MYT1L: variants seen among roughly 807,000 people sequenced by gnomAD.
MYT1L encodes the protein myelin transcription factor 1 like.
A neutral mutation model predicts 126.7 loss-of-function variants in MYT1L; 12 were observed. The ratio of observed to expected loss-of-function variants is 0.09; its 90% CI spans 0.06 to 0.15. The LOEUF (loss-of-function observed/expected upper bound fraction) is 0.15, where lower values mean the gene tolerates loss of function less well. Among genes scored for constraint, MYT1L ranks in the 10% least tolerant of loss-of-function variants. The pLI, the probability that MYT1L is intolerant of heterozygous loss-of-function variation, is 1.00. For synonymous variants in MYT1L, 541 were observed against 604.2 expected, an observed-to-expected ratio of 0.90 and a Z score of 1.53; for missense variants, 979 against 1,585.2, an observed-to-expected ratio of 0.62 and a Z score of 6.49.
rs1481262724 is a variant in MYT1L, at chr2:1,979,079, C to G, written c.152+86G>C. 2 of 1,069,804 alleles carry G rather than the reference C, an allele frequency of 1.9e-6. No homozygotes were observed. The highest frequency in any genetic ancestry group is 2.8e-6 in the Non-Finnish European group (2 of 712,274). 66.3% of individuals were successfully genotyped at this position (1,069,804 alleles called of 1,614,324 possible). Reference sequence around the variant, plus strand: ...AATGTGTATTGCTTTCCAAGAACACCTGCTCACACAGTTCATCATCAGGAC... The same window carrying G: ...AATGTGTATTGCTTTCCAAGAACACGTGCTCACACAGTTCATCATCAGGAC... On this transcript the variant is annotated intron_variant, in intron 8 of 24. Coordinates refer to ENST00000647738, the MANE Select transcript of MYT1L (RefSeq NM_001303052.2). The surrounding 1 kb of genome is among the most constrained non-coding windows in gnomAD (Gnocchi z 4.0).
intron 3 of MYT1L, among the ~76,000 whole-genome samples, chr2:2,106,123 G>T (rs889774277): frequency 1.3e-5 from 2 of 152,212 alleles, no homozygotes; most frequent in African/African-American, 4.8e-5. Flanking sequence ...AGGGAATGTG[G>T]CTCACCCGGG....
intron 1 of MYT1L, among the ~76,000 whole-genome samples, chr2:2,308,310 C>G (rs998599509): frequency 1.3e-5 from 2 of 151,974 alleles, no homozygotes; most frequent in African/African-American, 4.8e-5. Context: ...TCAGTACGTT[C>G]TACCCATACT....
In MYT1L at chr2:1,811,999, T is replaced by C. The variant is rs2036737829; in HGVS notation, c.3081-2832A>G. 6.6e-6 allele frequency among the ~76,000 whole-genome samples: 1 copy of C among 152,250 alleles called. No homozygotes were observed. The highest frequency in any genetic ancestry group is 1.5e-5 in the Non-Finnish European group (1 of 68,040). ...TAAAATAAGAAGTTCTCAAAAGATC[T>C]GTTAAGGCTCTCCTAAAATAGGATG... On this transcript the variant is annotated intron_variant, in intron 21 of 24. Coordinates refer to ENST00000647738, the MANE Select transcript of MYT1L (RefSeq NM_001303052.2). This position sits in a 1 kb window ranked among gnomAD's most constrained non-coding sequence, Gnocchi z 4.4.
chr2:2,166,802 A>AT (rs2089205602), intron 3 of MYT1L, among the ~76,000 whole-genome samples: 1 of 152,194 alleles, frequency 6.6e-6, no homozygotes, highest in South Asian at 2.1e-4. Context: ...ACATAAAAAC[A>AT]TTTTTTTAGT....
Position 2,331,170 on chromosome 2 carries a change from A to G in MYT1L, c.-724T>C, listed in dbSNP as rs1402300831. On this transcript the variant is annotated 5_prime_UTR_variant, in exon 1 of 25. Transcript: ENST00000647738. ...GATATCATAACCCATAGTCCAGGGA[A>G]TGAAAAAATTAAAATGCACCCACCA... is the stretch of plus-strand genomic sequence containing the variant. The G allele has an allele frequency of 6.6e-6, 1 of 152,104 alleles. No homozygotes were observed. The highest frequency in any genetic ancestry group is 1.5e-5 in the Non-Finnish European group (1 of 68,028). 9.4% of individuals were successfully genotyped at this position (152,104 alleles called of 1,614,324 possible).
intron 4 of MYT1L, among the ~76,000 whole-genome samples, chr2:2,033,691 T>G (rs2066664193): frequency 6.6e-6 from 1 of 151,526 alleles, no homozygotes; most frequent in South Asian, 2.1e-4. Flanking sequence ...GTGGGTGGAG[T>G]AGGGGAATCT....
chr2:2,245,024 A>G (rs2094506883), intron 2 of MYT1L, among the ~76,000 whole-genome samples: 1 of 152,366 alleles, frequency 6.6e-6, no homozygotes, highest in Admixed American at 6.5e-5. Flanking sequence ...GGAATGGACA[A>G]TTGGTGTCTA....
chr2:1,908,649 C>T (rs1444547010), intron 13 of MYT1L, among the ~76,000 whole-genome samples: 1 of 152,178 alleles, frequency 6.6e-6, no homozygotes, highest in Non-Finnish European at 1.5e-5. Flanking sequence ...ATTACGCAGC[C>T]CCGCGGGTTG....
At chr2:1,966,042 C>CA (rs1331462389) in intron 8 of MYT1L, among the ~76,000 whole-genome samples, 1 of 152,256 alleles carries the variant, frequency 6.6e-6, no homozygotes, top group Admixed American at 6.5e-5. Flanking sequence ...GCTCCCCTTT[C>CA]AGGCTCCTGT....
intron 2 of MYT1L, among the ~76,000 whole-genome samples, chr2:2,212,167 A>G (rs1038007862): frequency 6.6e-6 from 1 of 151,162 alleles, no homozygotes; most frequent in Non-Finnish European, 1.5e-5. Flanking sequence ...TAACTTTAAT[A>G]CAAATAGATT....
chr2:2,200,056 A>G (rs1368976245), intron 2 of MYT1L, among the ~76,000 whole-genome samples: 5 of 152,170 alleles, frequency 3.3e-5, no homozygotes, highest in Non-Finnish European at 5.9e-5. Context: ...TACGGTTTAC[A>G]AAATGCATGT....
chr2:2,091,695 C>T (rs933766630), intron 3 of MYT1L, among the ~76,000 whole-genome samples: 4 of 152,202 alleles, frequency 2.6e-5, no homozygotes, highest in Admixed American at 6.5e-5. Context: ...GTTTCATCTA[C>T]ACTGAAAATC....
intron 21 of MYT1L, among the ~76,000 whole-genome samples, chr2:1,834,667 G>T (rs1056686317): frequency 1.1e-4 from 16 of 152,244 alleles, no homozygotes; most frequent in East Asian, 1.9e-4. Context: ...GGTGCCAGGG[G>T]CTAGGCAGCT....
chr2:2,141,778 A>T (rs2084020347), intron 3 of MYT1L, among the ~76,000 whole-genome samples: 1 of 152,202 alleles, frequency 6.6e-6, no homozygotes, highest in African/African-American at 2.4e-5. Flanking sequence ...TGGGTGCTAG[A>T]ACGAAGAACA....
chr2:2,114,376 G>A (rs1261331043), intron 3 of MYT1L, among the ~76,000 whole-genome samples: 2 of 152,206 alleles, frequency 1.3e-5, no homozygotes, highest in African/African-American at 4.8e-5. Context: ...TCCGTCCTAT[G>A]TTGACAAATG....
intron 18 of MYT1L, among the ~76,000 whole-genome samples, chr2:1,872,818 C>A (rs980085540): frequency 1.3e-5 from 2 of 152,204 alleles, no homozygotes; most frequent in Admixed American, 1.3e-4. Flanking sequence ...TTATTTTGGG[C>A]ACCACCAGGT....
intron 3 of MYT1L, among the ~76,000 whole-genome samples, chr2:2,167,432 CCTGGACT>C (rs1215297593): frequency 4.6e-5 from 7 of 152,196 alleles, no homozygotes; most frequent in Non-Finnish European, 8.8e-5. Context: ...AACAACTTCT[CCTGGACT>C]CTGTCAACAG....
intron 4 of MYT1L, among the ~76,000 whole-genome samples, chr2:2,015,357 G>A (rs926218381): frequency 2.6e-5 from 4 of 152,312 alleles, no homozygotes; most frequent in South Asian, 2.1e-4. Flanking sequence ...AAAAGGCCAC[G>A]TTCTTGCATG....
chr2:2,330,079 A>G (rs190040826), intron 1 of MYT1L, among the ~76,000 whole-genome samples: 24 of 152,190 alleles, frequency 1.6e-4, no homozygotes, highest in Non-Finnish European at 3.1e-4. Flanking sequence ...GCTACATGAC[A>G]CTAAATGAAG....
Sources: gnomAD v4.1 joint callset for allele counts (sites outside exome capture counted in the v4.1 genomes callset) on GRCh38, gnomAD v4.1.1 for gene constraint, Gnocchi (gnomAD v3.1) non-coding constraint, MANE v1.5 for transcripts, NCBI Gene and HGNC (gene_info 2026-07-23, HGNC 2026-07-21) for gene names.